Variants in WNK3 observed in about 807,000 individuals in gnomAD.
The protein encoded by WNK3 is WNK lysine deficient protein kinase 3.
In WNK3, 18 loss-of-function variants were observed where a neutral mutation model predicts 116.7. The observed-to-expected ratio is 0.15, with a 90% CI of 0.11 to 0.23. The LOEUF is 0.23. Among genes scored for constraint, WNK3 ranks in the 10% least tolerant of loss-of-function variants. The pLI, the probability that WNK3 is intolerant of heterozygous loss-of-function variation, is 1.00. For synonymous variants in WNK3, 404 were observed against 469.4 expected, an observed-to-expected ratio of 0.86 and a Z score of 1.80; for missense variants, 993 against 1,323.8, an observed-to-expected ratio of 0.75 and a Z score of 3.88.
chrX:54,344,941 C>G (rs1391775715), intron 1 of WNK3, among the ~76,000 whole-genome samples: 4 of 74,136 alleles, frequency 5.4e-5, no homozygotes, highest in African/African-American at 2.2e-4. Context: ...GAGACTCCCT[C>G]TCAAAAAAAA....
chrX:54,217,807 T>G (rs1389987502), intron 22 of WNK3, among the ~76,000 whole-genome samples: 1 of 111,229 alleles, frequency 9.0e-6, no homozygotes, highest in Admixed American at 9.7e-5. Context: ...GGCCATACAC[T>G]GCAGGGAATG....
At chrX:54,280,019 C>T (rs1312601495) in intron 10 of WNK3, among the ~76,000 whole-genome samples, 3 of 112,382 alleles carry the variant, frequency 2.7e-5, no homozygotes, top group Admixed American at 9.5e-5. Context: ...ACATCTAGGC[C>T]GGGCGTAGTG....
At chrX:54,327,303 G>C (rs2069117327) in intron 2 of WNK3, among the ~76,000 whole-genome samples, 1 of 111,338 alleles carries the variant, frequency 9.0e-6, no homozygotes, top group African/African-American at 3.3e-5. Flanking sequence ...ACAGAATTAG[G>C]CTGGGCATGG....
intron 21 of WNK3, 43 bp downstream of exon 21, chrX:54,232,766 C>G: frequency 1.8e-6 from 2 of 1,112,745 alleles, no homozygotes; most frequent in Non-Finnish European, 2.4e-6. Flanking sequence ...TTTTGCTAAT[C>G]TTGGACTAGA....
chrX:54,215,619 G>A (rs2067681661), intron 22 of WNK3, among the ~76,000 whole-genome samples: 1 of 111,942 alleles, frequency 8.9e-6, no homozygotes, highest in Admixed American at 9.5e-5. Context: ...ACCCCGTCTA[G>A]GAAGTGAGGA....
chrX:54,251,923 G>T (rs2068134601), intron 13 of WNK3, among the ~76,000 whole-genome samples: 1 of 108,867 alleles, frequency 9.2e-6, no homozygotes, highest in Admixed American at 9.9e-5. Flanking sequence ...AAATTAACTG[G>T]GTATGATGGC....
intron 10 of WNK3, among the ~76,000 whole-genome samples, chrX:54,281,482 T>C (rs1465062110): frequency 9.0e-6 from 1 of 110,969 alleles, no homozygotes; most frequent in Non-Finnish European, 1.9e-5. Flanking sequence ...AGACGCTGAC[T>C]CAAAAAAAAA....
chrX:54,200,963 A>G (rs1008723424), intron 23 of WNK3, among the ~76,000 whole-genome samples: 3 of 111,957 alleles, frequency 2.7e-5, no homozygotes, highest in Admixed American at 9.5e-5. Context: ...ATTTTTATTC[A>G]ATATTAACAA....
intron 19 of WNK3, 70 bp downstream of exon 19, chrX:54,238,272 A>G: frequency 1.8e-6 from 2 of 1,122,820 alleles, no homozygotes; most frequent in Non-Finnish European, 2.4e-6. Flanking sequence ...TCATCTACAG[A>G]CCAAGATCTC....
intron 1 of WNK3, among the ~76,000 whole-genome samples, chrX:54,352,821 T>C (rs940369053): frequency 1.8e-5 from 2 of 111,792 alleles, no homozygotes; most frequent in East Asian, 5.6e-4. Flanking sequence ...GGTGGAAACA[T>C]CCCAAATATC....
intron 10 of WNK3, among the ~76,000 whole-genome samples, chrX:54,287,203 G>C (rs1213198913): frequency 9.0e-6 from 1 of 111,558 alleles, no homozygotes; most frequent in Non-Finnish European, 1.9e-5. Flanking sequence ...TTGGCAATAA[G>C]AATCACTCAA....
At chrX:54,358,295 TCTC>T (rs2069627000), upstream of WNK3, among the ~76,000 whole-genome samples, 1 of 110,564 alleles carries the variant, frequency 9.0e-6, no homozygotes, top group African/African-American at 3.3e-5. Flanking sequence ...ACGCGCGACA[TCTC>T]CTGTGTGTTC....
chrX:54,319,013 G>A (rs1220039941), intron 2 of WNK3, among the ~76,000 whole-genome samples: 1 of 109,436 alleles, frequency 9.1e-6, no homozygotes, highest in Non-Finnish European at 1.9e-5. Flanking sequence ...CCTGACCTCA[G>A]GCGATCCGCC....
exon 17 of WNK3, chrX:54,249,557 G>A: frequency 2.5e-6 from 3 of 1,211,622 alleles, no homozygotes; most frequent in Non-Finnish European, 3.4e-6. Flanking sequence ...GAGGTGAAAA[G>A]TGCACGGTGG....
intron 3 of WNK3, among the ~76,000 whole-genome samples, chrX:54,309,914 CCTT>C (rs782155309): frequency 9.0e-5 from 10 of 110,796 alleles, no homozygotes; most frequent in African/African-American, 3.3e-4. Flanking sequence ...AAAAGAAAGT[CCTT>C]CTCTACTACC....
At position 54,302,727 on chromosome X, in the gene WNK3, C is replaced by A. The variant is rs868942358; in HGVS notation, c.1090-868G>T. On this transcript the variant is annotated intron_variant, in intron 5 of 23. Coordinates refer to ENST00000354646, the Ensembl canonical transcript of WNK3. ...TCTCTCTCTCTCTCTCTCTCTCTCT[C>A]TCTCTATATATATATATATATATAT... 8.6e-3 allele frequency among the ~76,000 whole-genome samples: 281 copies of A among 32,764 alleles called. 1 individual carries two copies. The highest frequency in any genetic ancestry group is 9.5e-3 in the African/African-American group (86 of 9,031). The allele number at this position is 32,764 out of a possible 115,157, so 28.5% of individuals were successfully genotyped here.
chrX:54,274,856 C>T (rs2068423136), intron 10 of WNK3, among the ~76,000 whole-genome samples: 1 of 108,771 alleles, frequency 9.2e-6, no homozygotes, highest in African/African-American at 3.3e-5. Context: ...AAAACAAAAA[C>T]AACAAAAGGC....
chrX:54,332,673 G>T (rs966511595), intron 2 of WNK3, among the ~76,000 whole-genome samples: 1 of 110,324 alleles, frequency 9.1e-6, no homozygotes, highest in Non-Finnish European at 1.9e-5. Context: ...GATCACCTGA[G>T]GTCAGGAGTT....
At chrX:54,262,592 G>T (rs2068267507) in intron 10 of WNK3, among the ~76,000 whole-genome samples, 1 of 110,852 alleles carries the variant, frequency 9.0e-6, no homozygotes, top group Non-Finnish European at 1.9e-5. Flanking sequence ...CAGGCACTGT[G>T]CTAAGAGGCA....
Sources: allele counts gnomAD v4.1 joint callset (sites outside exome capture counted in the v4.1 genomes callset), GRCh38; gene constraint gnomAD v4.1.1; transcripts MANE v1.5; gene names NCBI Gene and HGNC (gene_info 2026-07-23, HGNC 2026-07-21).